The following SDK1 variants were observed in gnomAD, a reference collection of about 807,000 sequenced individuals.
SDK1 encodes sidekick cell adhesion molecule 1, also known as protein sidekick-1.
SDK1 carries 157 observed loss-of-function variants against 245.5 expected under a neutral mutation model. That is an observed-to-expected ratio of 0.64 (90% CI 0.56 to 0.73). The LOEUF (loss-of-function observed/expected upper bound fraction) is 0.73, where lower values mean the gene tolerates loss of function less well. Among genes scored for constraint, SDK1 ranks in the 30% least tolerant of loss-of-function variants. The pLI is 0.00. For missense variants in SDK1, 3,583 were observed against 3,002.3 expected, an observed-to-expected ratio of 1.19 and a Z score of -4.52; for synonymous variants, 1,647 against 1,278.5, an observed-to-expected ratio of 1.29 and a Z score of -6.15.
chr7:3,989,306 C>T (rs756636929), intron 14 of SDK1, among the ~76,000 whole-genome samples: 3 of 152,178 alleles, frequency 2.0e-5, no homozygotes, highest in East Asian at 1.9e-4. Flanking sequence ...CTTGTACTAA[C>T]CCTCAGACCT....
intron 13 of SDK1, among the ~76,000 whole-genome samples, chr7:3,985,276 C>G (rs975410640): frequency 3.3e-5 from 5 of 152,270 alleles, no homozygotes; most frequent in Non-Finnish European, 7.3e-5. Flanking sequence ...AGATCAGATA[C>G]ATTCTTTATG....
intron 30 of SDK1, among the ~76,000 whole-genome samples, chr7:4,152,297 C>G (rs994777459): frequency 6.6e-6 from 1 of 152,228 alleles, no homozygotes; most frequent in African/African-American, 2.4e-5. Flanking sequence ...GAGGAAGGCA[C>G]TCCTAGTGGC....
intron 4 of SDK1, among the ~76,000 whole-genome samples, chr7:3,662,093 G>GA (rs1783382792): frequency 7.1e-6 from 1 of 141,226 alleles, no homozygotes; most frequent in Admixed American, 7.4e-5. Flanking sequence ...ATCTTGCAGA[G>GA]AAAATTGCAT....
chr7:3,756,932 A>G (rs1472948525), intron 4 of SDK1, among the ~76,000 whole-genome samples: 2 of 152,146 alleles, frequency 1.3e-5, no homozygotes, highest in Non-Finnish European at 2.9e-5. Flanking sequence ...CCCTTTGGTG[A>G]GGGTGGTGAC....
chr7:3,868,082 T>C (rs576564595), intron 5 of SDK1, among the ~76,000 whole-genome samples: 1 of 152,352 alleles, frequency 6.6e-6, no homozygotes, highest in East Asian at 1.9e-4. Flanking sequence ...GCTGCCATCA[T>C]GAAGGACTGC....
intron 1 of SDK1, among the ~76,000 whole-genome samples, chr7:3,422,590 C>T (rs1042759372): frequency 5.9e-5 from 9 of 152,016 alleles, no homozygotes; most frequent in African/African-American, 4.8e-5. Context: ...CTCAGAAGTT[C>T]GAGACCAGCC....
chr7:3,945,921 A>AAAAAAAAAAAAAAAAAAC, intron 5 of SDK1, among the ~76,000 whole-genome samples: 1 of 143,656 alleles, frequency 7.0e-6, no homozygotes, highest in Admixed American at 7.0e-5. Context: ...AAAAAAAAAA[A>AAAAAAAAAAAAAAAAAAC]AAAAAAAAAA....
At position 3,763,752 on chromosome 7, in the gene SDK1, A is replaced by G. The variant is rs145895105; in HGVS notation, c.714-57698A>G. Among the ~76,000 whole-genome samples the G allele has an allele frequency of 2.8e-3, 422 of 152,300 alleles. 2 individuals are homozygous for G. Among genetic ancestry groups the G allele is most frequent in the African/African-American group, 9.7e-3 (404 of 41,570 alleles). On this transcript the variant is annotated intron_variant, in intron 4 of 44. Coordinates refer to ENST00000404826, the MANE Select transcript of SDK1 (RefSeq NM_152744.4). ...AAGAATGCAAATATTTTATATCTCT[A>G]TCTAGGTGGTGTTTTCATGAGTGTA...
Position 4,051,819 on chromosome 7 carries a change from C to A in SDK1, c.2900C>A (p.Thr967Asn), listed in dbSNP as rs1778871417. 3.1e-6 allele frequency: 5 copies of A among 1,610,034 alleles called. No homozygotes were observed. ...GPPSTPQLVWTQEDKPGAVGH... is the reference protein window; with the variant it reads ...GPPSTPQLVWNQEDKPGAVGH... ...CCCAGCACACCTCAGCTGGTCTGGA[C>A]TCAGGAAGACAGTGAGTATTCCTTT... is the stretch of plus-strand genomic sequence containing the variant. The change falls in exon 19 of 45, where the codon ACT (threonine) becomes AAT (asparagine). Residue 967 changes from threonine to asparagine, a missense_variant. Physicochemically the swap from Thr to Asn is moderately conservative, Grantham distance 65. Coordinates refer to ENST00000404826, the MANE Select transcript of SDK1 (RefSeq NM_152744.4).
chr7:3,596,666 T>C (rs1022202443), intron 1 of SDK1, among the ~76,000 whole-genome samples: 3 of 152,196 alleles, frequency 2.0e-5, no homozygotes, highest in African/African-American at 7.2e-5. Context: ...AGATAAATAT[T>C]ACCTGTGCTT....
chr7:3,491,681 T>C (rs1183799643), intron 1 of SDK1, among the ~76,000 whole-genome samples: 1 of 152,212 alleles, frequency 6.6e-6, no homozygotes, highest in Non-Finnish European at 1.5e-5. Context: ...ACATTCTCAG[T>C]TGAGCTAGAA....
intron 5 of SDK1, among the ~76,000 whole-genome samples, chr7:3,934,224 A>C (rs1213062927): frequency 6.6e-6 from 1 of 152,236 alleles, no homozygotes; most frequent in Non-Finnish European, 1.5e-5. Context: ...GTGAATTTCA[A>C]GATACACTTT....
intron 13 of SDK1, among the ~76,000 whole-genome samples, chr7:3,981,425 T>A (rs541116167): frequency 1.3e-5 from 2 of 152,008 alleles, no homozygotes; most frequent in Non-Finnish European, 2.9e-5. Context: ...AGTGTCCATG[T>A]GAAAGAGAGG....
intron 5 of SDK1, among the ~76,000 whole-genome samples, chr7:3,871,498 T>TA (rs1780955658): frequency 6.6e-6 from 1 of 152,220 alleles, no homozygotes; most frequent in Non-Finnish European, 1.5e-5. Flanking sequence ...CTGGGTGATT[T>TA]ATAAAGAAAA....
intron 24 of SDK1, 116 bp from the exon 25 acceptor site, chr7:4,113,921 C>T (rs970708208): frequency 1.4e-6 from 1 of 730,472 alleles, no homozygotes; most frequent in Non-Finnish European, 2.3e-6. Flanking sequence ...AAGACTATTT[C>T]CCCCAGGAAC....
At chr7:3,645,494 C>A (rs903923238) in intron 4 of SDK1, among the ~76,000 whole-genome samples, 2 of 152,144 alleles carry the variant, frequency 1.3e-5, no homozygotes, top group Non-Finnish European at 2.9e-5. Context: ...CGTCCAAAGA[C>A]ATATAGCTTT....
intron 4 of SDK1, among the ~76,000 whole-genome samples, chr7:3,778,847 C>T (rs1372088768): frequency 6.6e-6 from 1 of 152,154 alleles, no homozygotes; most frequent in Non-Finnish European, 1.5e-5. Context: ...AAATTATAGA[C>T]CGCCTTTCCA....
intron 25 of SDK1, among the ~76,000 whole-genome samples, chr7:4,126,769 C>T (rs1434192152): frequency 6.6e-6 from 1 of 152,226 alleles, no homozygotes; most frequent in Admixed American, 6.5e-5. Flanking sequence ...TGCCCATCTC[C>T]TTTTAGAAAA....
intron 1 of SDK1, among the ~76,000 whole-genome samples, chr7:3,329,942 A>G (rs1347265363): frequency 6.6e-6 from 1 of 152,220 alleles, no homozygotes; most frequent in African/African-American, 2.4e-5. Context: ...ATGCTGTTTT[A>G]TATCAGCTAC....
Sources: allele counts gnomAD v4.1 joint callset (sites outside exome capture counted in the v4.1 genomes callset), GRCh38; gene constraint gnomAD v4.1.1; transcripts MANE v1.5; gene names NCBI Gene and HGNC (gene_info 2026-07-23, HGNC 2026-07-21).